LHFPL3: variants seen among roughly 807,000 people sequenced by gnomAD.
LHFPL3 encodes the protein LHFPL tetraspan subfamily member 3, also known as LHFPL tetraspan subfamily member 3 protein.
Under a neutral mutation model 19.3 loss-of-function variants are expected in LHFPL3, and 5 were observed. The observed-to-expected ratio is 0.26, with a 90% CI of 0.14 to 0.54. The LOEUF (loss-of-function observed/expected upper bound fraction) is 0.54, where lower values mean the gene tolerates loss of function less well. LHFPL3 is among the 20% of genes least tolerant of loss of function. The pLI, the probability that LHFPL3 is intolerant of heterozygous loss-of-function variation, is 0.94. For synonymous variants in LHFPL3, 133 were observed against 126.2 expected (o/e 1.05, Z -0.36); for missense variants, 249 against 307.4 (o/e 0.81, Z 1.42).
intron 1 of LHFPL3, among the ~76,000 whole-genome samples, chr7:104,362,206 A>G (rs957322597): frequency 1.1e-4 from 16 of 152,140 alleles, no homozygotes; most frequent in African/African-American, 3.6e-4. Context: ...AGCATAGACA[A>G]CTAAGAGGAA....
intron 2 of LHFPL3, among the ~76,000 whole-genome samples, chr7:104,746,191 A>T (rs1483083822): frequency 3.3e-5 from 5 of 152,200 alleles, no homozygotes; most frequent in Non-Finnish European, 7.4e-5. Context: ...GGATGCCTGT[A>T]GTCCCAGATA....
At chr7:104,512,462 C>T (rs904370190) in intron 1 of LHFPL3, among the ~76,000 whole-genome samples, 2 of 150,228 alleles carry the variant, frequency 1.3e-5, no homozygotes, top group Non-Finnish European at 3.0e-5. Flanking sequence ...GACACATGAG[C>T]GTGGTGGCTC....
intron 1 of LHFPL3, among the ~76,000 whole-genome samples, chr7:104,475,890 A>T (rs910574200): frequency 6.6e-6 from 1 of 152,196 alleles, no homozygotes; most frequent in Non-Finnish European, 1.5e-5. Flanking sequence ...AAAATTTATC[A>T]AACGATGATT....
At chr7:104,589,345 A>C (rs564696494) in intron 1 of LHFPL3, among the ~76,000 whole-genome samples, 62 of 151,910 alleles carry the variant, frequency 4.1e-4, no homozygotes, top group East Asian at 1.2e-3. Flanking sequence ...TTGTCAAAGG[A>C]CTTTTCTGCA....
intron 2 of LHFPL3, among the ~76,000 whole-genome samples, chr7:104,903,462 C>CT (rs34097567): frequency 0.013 from 1,683 of 126,730 alleles, 25 homozygotes; most frequent in East Asian, 0.035. Flanking sequence ...TCTAGTTATA[C>CT]TTTTTTTTTT....
chr7:104,333,546 G>A (rs898831970), intron 1 of LHFPL3, among the ~76,000 whole-genome samples: 1 of 152,106 alleles, frequency 6.6e-6, no homozygotes, highest in African/African-American at 2.4e-5. Flanking sequence ...AAGGGGTAAG[G>A]GTTGAATTGT....
At chr7:104,892,020 C>A (rs1166752421) in intron 2 of LHFPL3, among the ~76,000 whole-genome samples, 1 of 152,228 alleles carries the variant, frequency 6.6e-6, no homozygotes, top group Admixed American at 6.5e-5. Flanking sequence ...GACTTCTCAT[C>A]CTTATGAAAG....
intron 2 of LHFPL3, among the ~76,000 whole-genome samples, chr7:104,812,627 C>T (rs1385514895): frequency 2.7e-5 from 4 of 150,828 alleles, no homozygotes; most frequent in Admixed American, 6.6e-5. Flanking sequence ...TAGAGAGACC[C>T]CATCTCTACT....
intron 1 of LHFPL3, among the ~76,000 whole-genome samples, chr7:104,465,088 G>T (rs537245750): frequency 6.6e-6 from 1 of 152,252 alleles, no homozygotes; most frequent in Admixed American, 6.5e-5. Flanking sequence ...GGGGCAAAAT[G>T]CCACCAGTCT....
chr7:104,555,172 C>T lies in LHFPL3; in HGVS notation c.446-181503C>T, dbSNP rs546473075. 3.3e-5 allele frequency among the ~76,000 whole-genome samples: 5 copies of T among 152,306 alleles called. No homozygotes were observed. The South Asian group carries it at 1.0e-3, about 32-fold the overall frequency. On this transcript the variant is annotated intron_variant, in intron 1 of 2. Coordinates refer to ENST00000424859, the MANE Select transcript of LHFPL3 (RefSeq NM_199000.3). ...CCAGCTATCTAGGTATCCATTAAGC[C>T]AGTTAAGTTCACACTTAAAATTAAC...
intron 1 of LHFPL3, among the ~76,000 whole-genome samples, chr7:104,516,906 C>T (rs901326986): frequency 3.3e-5 from 5 of 152,096 alleles, no homozygotes; most frequent in African/African-American, 4.8e-5. Context: ...GAATGCCCAT[C>T]GATGGTAGAC....
rs553680664 is a variant in LHFPL3, at chr7:104,711,983, T to C, written c.446-24692T>C. On this transcript the variant is annotated intron_variant, in intron 1 of 2. Transcript: ENST00000424859. Reference sequence around the variant, plus strand: ...AATAATCCTCCTCCCTGCAGAGATGTCCACACCCTAATCTCTGGAATGTGT... The same window carrying C: ...AATAATCCTCCTCCCTGCAGAGATGCCCACACCCTAATCTCTGGAATGTGT... Among the ~76,000 whole-genome samples, 21 of 152,318 alleles carry C rather than the reference T, an allele frequency of 1.4e-4. No individual in the cohort carries two copies. In the South Asian group the frequency reaches 3.9e-3, roughly 29 times the overall value.
Position 104,399,784 on chromosome 7 carries a change from G to A in LHFPL3, c.445+70560G>A, listed in dbSNP as rs191773534. ...ACTGCGCCCGGCCATATGTTCTTCT[G>A]TCCTTAAGGTAATTATGTTACCATG... On this transcript the variant is annotated intron_variant, in intron 1 of 2. Transcript: ENST00000424859. This position sits in a 1 kb window ranked among gnomAD's most constrained non-coding sequence, Gnocchi z 4.4. Among the ~76,000 whole-genome samples, 1 of 151,318 alleles carries A rather than the reference G, an allele frequency of 6.6e-6. No homozygotes were observed. The highest frequency in any genetic ancestry group is 1.5e-5 in the Non-Finnish European group (1 of 67,830).
At chr7:104,378,265 ATTAGAGATGAG>A (rs1450378771) in intron 1 of LHFPL3, among the ~76,000 whole-genome samples, 2 of 152,214 alleles carry the variant, frequency 1.3e-5, no homozygotes, top group Non-Finnish European at 2.9e-5. Context: ...GACTTCTGTC[ATTAGAGATGAG>A]TTTGCTTTTT....
intron 1 of LHFPL3, among the ~76,000 whole-genome samples, chr7:104,604,574 A>G (rs187055434): frequency 4.3e-4 from 66 of 152,270 alleles, no homozygotes; most frequent in Non-Finnish European, 6.9e-4. Flanking sequence ...AATTTTTCAA[A>G]TCTTTCCATT....
intron 1 of LHFPL3, among the ~76,000 whole-genome samples, chr7:104,576,222 C>G (rs1790336700): frequency 6.6e-6 from 1 of 151,978 alleles, no homozygotes; most frequent in Non-Finnish European, 1.5e-5. Context: ...AACCAGGAGA[C>G]CATAGGGTCA....
chr7:104,699,458 G>A (rs982727377), intron 1 of LHFPL3, among the ~76,000 whole-genome samples: 4 of 152,104 alleles, frequency 2.6e-5, no homozygotes, highest in African/African-American at 7.2e-5. Flanking sequence ...GACAAATATC[G>A]TATGATTCCT....
At chr7:104,779,775 T>C (rs4130477) in intron 2 of LHFPL3, among the ~76,000 whole-genome samples, 29,328 of 152,274 alleles carry the variant, frequency 0.19, 3,146 homozygotes, top group Non-Finnish European at 0.24. Flanking sequence ...TAGAACTTGA[T>C]GGAGATGCAG....
intron 1 of LHFPL3, among the ~76,000 whole-genome samples, chr7:104,734,516 A>G (rs1268275036): frequency 6.6e-6 from 1 of 152,198 alleles, no homozygotes; most frequent in African/African-American, 2.4e-5. Flanking sequence ...TGAATCAGCT[A>G]CTGAAGCTTG....
Sources: gnomAD v4.1 joint callset for allele counts (sites outside exome capture counted in the v4.1 genomes callset) on GRCh38, gnomAD v4.1.1 for gene constraint, Gnocchi (gnomAD v3.1) non-coding constraint, MANE v1.5 for transcripts, NCBI Gene and HGNC (gene_info 2026-07-23, HGNC 2026-07-21) for gene names.